SLC9C2: variants seen among roughly 807,000 people sequenced by gnomAD.
SLC9C2 encodes the protein sodium/hydrogen exchanger 11.
Under a neutral mutation model 140.2 loss-of-function variants are expected in SLC9C2, and 75 were observed. The observed-to-expected ratio is 0.53, with a 90% CI of 0.44 to 0.65. The LOEUF (loss-of-function observed/expected upper bound fraction) is 0.65, where lower values mean the gene tolerates loss of function less well. Among genes scored for constraint, SLC9C2 ranks in the 30% least tolerant of loss-of-function variants. The pLI is 0.00. For synonymous variants in SLC9C2, 375 were observed against 420.9 expected (o/e 0.89, Z 1.34); for missense variants, 1,074 against 1,331.8 (o/e 0.81, Z 3.01).
At chr1:173,578,899 A>G (rs971823430) in intron 7 of SLC9C2, among the ~76,000 whole-genome samples, 1 of 152,228 alleles carries the variant, frequency 6.6e-6, no homozygotes, top group Admixed American at 6.5e-5. Flanking sequence ...CTCTTTCTAA[A>G]TAAAGTCACC....
At chr1:173,517,824 G>T in intron 22 of SLC9C2, 120 bp from the exon 23 acceptor site, 2 of 821,374 alleles carry the variant, frequency 2.4e-6, no homozygotes, top group Non-Finnish European at 3.5e-6. Flanking sequence ...CTCCTGTCAG[G>T]TGTGAAAGAA....
rs774447202 is a variant in SLC9C2 at position 173,506,954 on chromosome 1, T to C, written c.3127A>G (p.Thr1043Ala). 1 of 1,613,404 alleles carries C rather than the reference T, an allele frequency of 6.2e-7. No individual in the cohort carries two copies. Among genetic ancestry groups the C allele is most frequent in the Non-Finnish European group, 8.5e-7 (1 of 1,179,594 alleles). Residue 1043 changes from threonine to alanine, a missense_variant, in exon 25 of 28, where the codon ACC becomes GCC. Thr to Ala is a moderately conservative substitution (Grantham distance 58, BLOSUM62 0). Transcript: ENST00000367714. ...SYSDMIIDNMTMKFVIIVYGS... is the reference protein window; with the variant it reads ...SYSDMIIDNMAMKFVIIVYGS... ...TACACAATGATAACAAATTTCATGG[T>C]CATATTATCAATAATCATGTCACTA...
At chr1:173,536,241 C>G (rs1661948416) in intron 14 of SLC9C2, among the ~76,000 whole-genome samples, 1 of 152,168 alleles carries the variant, frequency 6.6e-6, no homozygotes, top group African/African-American at 2.4e-5. Flanking sequence ...TGGTCTGGCC[C>G]AACCCTCTCC....
intron 17 of SLC9C2, among the ~76,000 whole-genome samples, chr1:173,532,429 A>C (rs757680401): frequency 6.6e-6 from 1 of 152,248 alleles, no homozygotes; most frequent in Non-Finnish European, 1.5e-5. Flanking sequence ...AGGTTTAAGA[A>C]TTGAAACTGA....
At position 173,572,423 on chromosome 1, in the gene SLC9C2, A is replaced by T. The variant is rs200121026; in HGVS notation, c.1046+759T>A. Among the ~76,000 whole-genome samples the T allele has an allele frequency of 1.0e-4, 6 of 59,328 alleles. No homozygotes were observed. The African/African-American group carries it at 1.3e-3, about 12-fold the overall frequency. The allele number at this position is 59,328 out of a possible 152,430, so 38.9% of individuals were successfully genotyped here. A position where few individuals can be genotyped will look rare whatever the true frequency, so the allele number is the denominator to read the frequency against. On this transcript the variant is annotated intron_variant, in intron 9 of 27. Transcript: ENST00000367714. ...GCAGTGCCTTGCGTTAGCAGACTCA[A>T]GTTTCCATGGGAACATACTATAAGA...
At chr1:173,521,223 A>G in intron 22 of SLC9C2, 78 bp downstream of exon 22, 1 of 844,056 alleles carries the variant, frequency 1.2e-6, no homozygotes, top group Non-Finnish European at 1.7e-6. Flanking sequence ...CAGTATCTAA[A>G]TTTATTCTTA....
At chr1:173,576,238 C>T (rs1665172218) in intron 8 of SLC9C2, among the ~76,000 whole-genome samples, 1 of 152,140 alleles carries the variant, frequency 6.6e-6, no homozygotes, top group South Asian at 2.1e-4. Flanking sequence ...ATTCATATGG[C>T]ATTTATTACC....
chr1:173,553,183 T>G (rs543112514), intron 11 of SLC9C2, among the ~76,000 whole-genome samples: 1 of 152,306 alleles, frequency 6.6e-6, no homozygotes, highest in Non-Finnish European at 1.5e-5. Context: ...AGGATAAAAC[T>G]TGCATGGATG....
chr1:173,529,800 TG>T, intron 18 of SLC9C2, 104 bp downstream of exon 18: 1 of 1,266,288 alleles, frequency 7.9e-7, no homozygotes, highest in Non-Finnish European at 1.1e-6. Context: ...CCCTTTCAAC[TG>T]TTGGAATTTG....
At chr1:173,600,280 T>TA in intron 2 of SLC9C2, 63 bp from the exon 3 acceptor site, 3 of 1,199,294 alleles carry the variant, frequency 2.5e-6, no homozygotes, top group Non-Finnish European at 3.6e-6. Context: ...CAAATGTGTA[T>TA]CACTTTTGCA....
chr1:173,553,068 G>A (rs1328099287), intron 11 of SLC9C2, among the ~76,000 whole-genome samples: 2 of 152,100 alleles, frequency 1.3e-5, no homozygotes, highest in Non-Finnish European at 2.9e-5. Context: ...GACTTTGAGG[G>A]GTTCAAGACT....
intron 23 of SLC9C2, among the ~76,000 whole-genome samples, chr1:173,513,592 C>CA (rs947474946): frequency 4.0e-5 from 6 of 151,734 alleles, no homozygotes; most frequent in South Asian, 2.1e-4. Flanking sequence ...TTAATTTTTT[C>CA]AAAAAAATCA....
At chr1:173,540,448 C>G (rs1410323384) in intron 13 of SLC9C2, among the ~76,000 whole-genome samples, 3 of 152,138 alleles carry the variant, frequency 2.0e-5, no homozygotes, top group Admixed American at 6.5e-5. Context: ...TGTGGAGAGC[C>G]TCCAGAAATT....
intron 10 of SLC9C2, among the ~76,000 whole-genome samples, chr1:173,555,667 G>A (rs1663627356): frequency 6.6e-6 from 1 of 152,140 alleles, no homozygotes; most frequent in Admixed American, 6.5e-5. Flanking sequence ...CTGTAATGTT[G>A]ATTATTTTAC....
Position 173,509,720 on chromosome 1 carries a change from G to C in SLC9C2, c.2908-21C>G, listed in dbSNP as rs775939919. The C allele has an allele frequency of 6.4e-6, 10 of 1,567,340 alleles. No homozygotes were observed. The South Asian group carries it at 1.1e-4, about 17-fold the overall frequency. ...CAGGCCTGAAACAAAAAGGAACCAG[G>C]CCATAGCAGCTTGATGTGGAACTAA... On this transcript the variant is annotated intron_variant, in intron 23 of 27. Transcript: ENST00000367714.
chr1:173,578,187 T>C (rs966743142), intron 7 of SLC9C2, among the ~76,000 whole-genome samples: 4 of 152,210 alleles, frequency 2.6e-5, no homozygotes, highest in African/African-American at 9.6e-5. Context: ...GGAGTCCCTC[T>C]TGGAATGCCT....
At chr1:173,536,777 A>C (rs1661991561) in intron 14 of SLC9C2, among the ~76,000 whole-genome samples, 165 bp downstream of exon 14, 1 of 152,216 alleles carries the variant, frequency 6.6e-6, no homozygotes, top group Non-Finnish European at 1.5e-5. Flanking sequence ...AAGCAGATGG[A>C]TAGATGGATG....
At chr1:173,542,059 T>G (rs1354484542) in intron 13 of SLC9C2, among the ~76,000 whole-genome samples, 2 of 151,978 alleles carry the variant, frequency 1.3e-5, no homozygotes, top group East Asian at 1.9e-4. Context: ...AAAAAATCAA[T>G]GAATCCAGGA....
chr1:173,518,103 A>T (rs542819398), intron 22 of SLC9C2, among the ~76,000 whole-genome samples: 1 of 152,298 alleles, frequency 6.6e-6, no homozygotes, highest in East Asian at 1.9e-4. Flanking sequence ...TGCTAAAAAA[A>T]AATACAAAAA....
Sources: allele counts gnomAD v4.1 joint callset (sites outside exome capture counted in the v4.1 genomes callset), GRCh38; gene constraint gnomAD v4.1.1; transcripts MANE v1.5; gene names NCBI Gene and HGNC (gene_info 2026-07-23, HGNC 2026-07-21).